TEX9: variants seen among roughly 807,000 people sequenced by gnomAD.
TEX9 encodes the protein testis expressed 9, also known as testis-expressed protein 9.
Under a neutral mutation model 59.6 loss-of-function variants are expected in TEX9, and 74 were observed. The observed-to-expected ratio is 1.24, with a 90% CI of 1.03 to 1.51. TEX9 has a LOEUF of 1.51. Among genes scored for constraint, TEX9 ranks in the 40% most tolerant of loss-of-function variants. TEX9 has a pLI of 0.00. For synonymous variants in TEX9, 186 were observed against 152.2 expected (o/e 1.22, Z -1.64); for missense variants, 522 against 447.8 (o/e 1.17, Z -1.49).
chr15:56,312,923 C>A (rs1490468057), intron 1 of TEX9, among the ~76,000 whole-genome samples: 1 of 126,422 alleles, frequency 7.9e-6, no homozygotes, highest in East Asian at 2.1e-4. Flanking sequence ...AATGGGAGTT[C>A]ACTCATGATT....
intron 12 of TEX9, chr15:56,431,495 G>A (rs1247769391): frequency 6.2e-7 from 1 of 1,613,374 alleles, no homozygotes; most frequent in Non-Finnish European, 8.5e-7. Flanking sequence ...TCTAGTTCAC[G>A]TTGCTGGAAA....
intron 1 of TEX9, among the ~76,000 whole-genome samples, chr15:56,284,287 A>G (rs576996226): frequency 1.3e-5 from 2 of 152,266 alleles, no homozygotes; most frequent in Middle Eastern, 3.4e-3. Flanking sequence ...GTGAGCCACA[A>G]TGCCCAGCTT....
intron 9 of TEX9, among the ~76,000 whole-genome samples, chr15:56,400,942 T>A (rs923904754): frequency 1.4e-4 from 22 of 152,118 alleles, no homozygotes; most frequent in Non-Finnish European, 3.2e-4. Flanking sequence ...AGAGATTTTG[T>A]TCACCACCAG....
intron 9 of TEX9, among the ~76,000 whole-genome samples, chr15:56,400,089 T>C (rs376029865): frequency 2.0e-5 from 3 of 152,214 alleles, no homozygotes; most frequent in Admixed American, 1.3e-4. Flanking sequence ...CTCCAAAGAA[T>C]TGCAGCTCCT....
chr15:56,414,467 C>T (rs1293398940), intron 10 of TEX9, among the ~76,000 whole-genome samples: 1 of 151,748 alleles, frequency 6.6e-6, no homozygotes, highest in Non-Finnish European at 1.5e-5. Flanking sequence ...TCATTTAGCT[C>T]CCACTTATAA....
chr15:56,326,287 C>G (rs200159410), intron 1 of TEX9, among the ~76,000 whole-genome samples: 1 of 150,766 alleles, frequency 6.6e-6, no homozygotes, highest in Non-Finnish European at 1.5e-5. Context: ...TCCATTTTTT[C>G]TTGCGTGTAT....
chr15:56,437,352 C>T (rs1190592234), intron 12 of TEX9, among the ~76,000 whole-genome samples: 1 of 152,040 alleles, frequency 6.6e-6, no homozygotes, highest in Non-Finnish European at 1.5e-5. Flanking sequence ...TAAACAGAAC[C>T]AATGACAAAA....
At chr15:56,389,453 TACCATCATTCTTA>T in intron 6 of TEX9, 53 bp downstream of exon 6, 1 of 1,266,954 alleles carries the variant, frequency 7.9e-7, no homozygotes, top group Non-Finnish European at 1.1e-6. Flanking sequence ...TAATTCACAA[TACCATCATTCTTA>T]ATTATTAAGC....
At chr15:56,279,534 C>G (rs2044763468) in intron 1 of TEX9, among the ~76,000 whole-genome samples, 1 of 152,054 alleles carries the variant, frequency 6.6e-6, no homozygotes, top group South Asian at 2.1e-4. Context: ...GTTTAATGTC[C>G]TACAGGGGAA....
chr15:56,261,369 A>C (rs80256147), intron 1 of TEX9, among the ~76,000 whole-genome samples: 6,803 of 152,084 alleles, frequency 0.045, 226 homozygotes, highest in Admixed American at 0.086. Context: ...TTGTGAATTA[A>C]AAAAATCCAA....
intron 1 of TEX9, among the ~76,000 whole-genome samples, chr15:56,267,283 T>G (rs2044408806): frequency 6.6e-6 from 1 of 152,252 alleles, no homozygotes; most frequent in African/African-American, 2.4e-5. Flanking sequence ...AGGTTGCCTG[T>G]TCACTCTGAT....
chr15:56,443,667 C>G, intron 12 of TEX9: 1 of 1,613,246 alleles, frequency 6.2e-7, no homozygotes. Flanking sequence ...CTTTTCTCCT[C>G]ATTTTCTTGA....
intron 2 of TEX9, among the ~76,000 whole-genome samples, chr15:56,373,226 G>T (rs1293935396): frequency 6.6e-6 from 1 of 152,148 alleles, no homozygotes; most frequent in African/African-American, 2.4e-5. Flanking sequence ...CCACAGAAAG[G>T]CTAATACTTA....
At chr15:56,246,581 TC>T (rs2043863110) in intron 1 of TEX9, among the ~76,000 whole-genome samples, 1 of 152,206 alleles carries the variant, frequency 6.6e-6, no homozygotes, top group African/African-American at 2.4e-5. Flanking sequence ...TTATGTGGGT[TC>T]CTTTGATTGT....
At chr15:56,245,504 T>G (rs190887033) in intron 1 of TEX9, among the ~76,000 whole-genome samples, 15 of 152,384 alleles carry the variant, frequency 9.8e-5, no homozygotes, top group African/African-American at 3.4e-4. Flanking sequence ...ACATTCATTT[T>G]GCATACATAT....
At chr15:56,395,458 A>G (rs1247574065) in intron 9 of TEX9, 1 of 152,066 alleles carries the variant, frequency 6.6e-6, no homozygotes, top group African/African-American at 2.4e-5. Context: ...TTTTGTGTGC[A>G]CGTATGTTTC....
chr15:56,293,661 C>T (rs868454066), intron 1 of TEX9, among the ~76,000 whole-genome samples: 2 of 152,192 alleles, frequency 1.3e-5, no homozygotes, highest in Admixed American at 6.5e-5. Flanking sequence ...CTGGAGATTA[C>T]AGGTATCAGC....
rs932167519 is a variant in TEX9 at position 56,338,215 on chromosome 15, C to G, written c.-106-35226C>G. On this transcript the variant is annotated intron_variant, in intron 1 of 5. Coordinates refer to the TEX9 transcript ENST00000560827. ...CCTGCAGAGCCTGAAGTTGCTGGTA[C>G]AGGAAGCACTTAGAGTATTACTGAG... is the stretch of plus-strand genomic sequence containing the variant. Among the ~76,000 whole-genome samples, 2 of 152,208 alleles carry G rather than the reference C, an allele frequency of 1.3e-5. 1 individual carries two copies. Among genetic ancestry groups the G allele is most frequent in the Non-Finnish European group, 2.9e-5 (2 of 68,034 alleles).
chr15:56,266,601 T>A (rs1395461238), intron 1 of TEX9, among the ~76,000 whole-genome samples: 1 of 151,932 alleles, frequency 6.6e-6, no homozygotes, highest in African/African-American at 2.4e-5. Context: ...CTTGTGATAC[T>A]TTGCTCAGAA....
Sources: gnomAD v4.1 joint callset for allele counts (sites outside exome capture counted in the v4.1 genomes callset) on GRCh38, gnomAD v4.1.1 for gene constraint, MANE v1.5 for transcripts, NCBI Gene and HGNC (gene_info 2026-07-23, HGNC 2026-07-21) for gene names.